EXOC4: variants seen among roughly 807,000 people sequenced by gnomAD.
EXOC4 encodes exocyst complex component 4.
Under a neutral mutation model 107.2 loss-of-function variants are expected in EXOC4, and 71 were observed. The ratio of observed to expected loss-of-function variants is 0.66; its 90% CI spans 0.55 to 0.81. The LOEUF is 0.81. EXOC4 is among the 30% of genes least tolerant of loss of function. The pLI is 0.00. For synonymous variants in EXOC4, 456 were observed against 441.2 expected (o/e 1.03, Z -0.42); for missense variants, 1,108 against 1,189.6 (o/e 0.93, Z 1.01).
At chr7:134,068,937 C>T (rs923103077), downstream of EXOC4, among the ~76,000 whole-genome samples, 7 of 152,126 alleles carry the variant, frequency 4.6e-5, no homozygotes, top group African/African-American at 1.2e-4. Flanking sequence ...ATATGGGAGT[C>T]GGGCAATGAC....
intron 2 of EXOC4, 64 bp from the exon 3 acceptor site, chr7:133,288,858 C>A (rs1453108283): frequency 2.1e-5 from 29 of 1,396,776 alleles, no homozygotes; most frequent in Non-Finnish European, 2.8e-5. Context: ...GACTACTAAC[C>A]AGATTATAGG....
intron 12 of EXOC4, among the ~76,000 whole-genome samples, chr7:133,902,722 G>T (rs567786544): frequency 6.6e-6 from 1 of 152,162 alleles, no homozygotes; most frequent in East Asian, 1.9e-4. Context: ...AGGTGTGTTG[G>T]CAGGTGCCCG....
intron 7 of EXOC4, among the ~76,000 whole-genome samples, chr7:133,469,999 CT>C (rs1173774420): frequency 6.6e-6 from 1 of 152,164 alleles, no homozygotes; most frequent in Non-Finnish European, 1.5e-5. Flanking sequence ...AACATTTTGG[CT>C]GTGGCTGAGA....
chr7:133,479,986 C>T, intron 8 of EXOC4, 64 bp from the exon 9 acceptor site: 1 of 1,279,586 alleles, frequency 7.8e-7, no homozygotes, highest in Non-Finnish European at 1.1e-6. Flanking sequence ...ATGTGGAATA[C>T]AGAGCTGGTC....
intron 10 of EXOC4, among the ~76,000 whole-genome samples, chr7:133,674,927 A>G (rs1210351258): frequency 1.3e-5 from 2 of 152,192 alleles, no homozygotes; most frequent in East Asian, 3.8e-4. Flanking sequence ...TACAGTGCTT[A>G]ACATTGTGCT....
chr7:134,083,035 G>T, the EXOC4 span, among the ~76,000 whole-genome samples: 15 of 152,316 alleles, frequency 9.8e-5, 1 homozygote, highest in Admixed American at 9.2e-4. Flanking sequence ...AACTGGAAAA[G>T]GGTGGAATCT....
intron 9 of EXOC4, among the ~76,000 whole-genome samples, chr7:133,517,572 C>T (rs865898536): frequency 7.2e-5 from 11 of 152,114 alleles, no homozygotes; most frequent in Admixed American, 1.3e-4. Context: ...AGGCACATCT[C>T]ACATGGCCAC....
intron 7 of EXOC4, among the ~76,000 whole-genome samples, chr7:133,455,119 G>A (rs551865027): frequency 6.6e-6 from 1 of 151,922 alleles, no homozygotes; most frequent in East Asian, 1.9e-4. Context: ...AAAAGTTTAA[G>A]TTATAAATTA....
chr7:133,777,921 A>C (rs989646210), intron 10 of EXOC4, among the ~76,000 whole-genome samples: 38 of 152,326 alleles, frequency 2.5e-4, no homozygotes, highest in Admixed American at 9.8e-4. Flanking sequence ...TACTTTACCC[A>C]GGTAATAGTC....
chr7:133,302,222 T>C (rs1642956223), intron 3 of EXOC4, among the ~76,000 whole-genome samples: 1 of 152,226 alleles, frequency 6.6e-6, no homozygotes, highest in Non-Finnish European at 1.5e-5. Flanking sequence ...TCCTGTTCAA[T>C]ATCATGTGAT....
At chr7:133,917,956 T>G (rs1190284461) in intron 13 of EXOC4, among the ~76,000 whole-genome samples, 5 of 152,066 alleles carry the variant, frequency 3.3e-5, no homozygotes, top group Non-Finnish European at 5.9e-5. Context: ...GAGTCAAATT[T>G]GGAACATTGC....
intron 10 of EXOC4, among the ~76,000 whole-genome samples, chr7:133,695,183 T>A (rs1794506569): frequency 8.0e-6 from 1 of 125,318 alleles, no homozygotes; most frequent in Non-Finnish European, 1.8e-5. Context: ...GAGATTCATT[T>A]TTTTTTTTTT....
At chr7:133,536,961 G>C (rs1800282066) in intron 9 of EXOC4, among the ~76,000 whole-genome samples, 1 of 152,088 alleles carries the variant, frequency 6.6e-6, no homozygotes, top group Non-Finnish European at 1.5e-5. Flanking sequence ...TGTATTACAT[G>C]ACTATGTCTA....
intron 9 of EXOC4, among the ~76,000 whole-genome samples, chr7:133,530,596 G>A (rs148098388): frequency 1.7e-4 from 26 of 152,210 alleles, no homozygotes; most frequent in South Asian, 1.0e-3. Flanking sequence ...TTGTTATGCC[G>A]CACACAACTA....
chr7:133,625,131 T>G (rs1487273668), intron 9 of EXOC4, among the ~76,000 whole-genome samples: 2 of 152,210 alleles, frequency 1.3e-5, no homozygotes, highest in African/African-American at 2.4e-5. Flanking sequence ...TGACTAGTAT[T>G]GTGTTGCCTA....
chr7:133,629,706 A>G (rs1053527372), intron 9 of EXOC4, among the ~76,000 whole-genome samples: 2 of 149,950 alleles, frequency 1.3e-5, no homozygotes, highest in Admixed American at 1.3e-4. Context: ...ATGCCTGGCT[A>G]ATTTTTTTTT....
chr7:133,520,113 G>T (rs1799952914), intron 9 of EXOC4, among the ~76,000 whole-genome samples: 1 of 152,110 alleles, frequency 6.6e-6, no homozygotes, highest in Non-Finnish European at 1.5e-5. Flanking sequence ...CCACAAAAAT[G>T]TAAAACTTTT....
rs534736481 is a variant in EXOC4, at chr7:134,031,240, A to C, written c.2687+23405A>C. Among the ~76,000 whole-genome samples, 73 of 152,380 alleles carry C rather than the reference A, an allele frequency of 4.8e-4. 2 individuals are homozygous for C. The South Asian group carries it at 0.015, about 32-fold the overall frequency. On this transcript the variant is annotated intron_variant, in intron 17 of 17. Transcript: ENST00000253861. ...AATAGATTAAAAGCCATTGAATTTT[A>C]CACTTTAAATTGGTGATTTGTATGG...
At chr7:133,824,313 T>C (rs984995099) in intron 11 of EXOC4, among the ~76,000 whole-genome samples, 1 of 151,974 alleles carries the variant, frequency 6.6e-6, no homozygotes, top group African/African-American at 2.4e-5. Flanking sequence ...CTCTACTGAC[T>C]GCGCCCCAAC....
Sources: allele counts gnomAD v4.1 joint callset (sites outside exome capture counted in the v4.1 genomes callset), GRCh38; gene constraint gnomAD v4.1.1; transcripts MANE v1.5; gene names NCBI Gene and HGNC (gene_info 2026-07-23, HGNC 2026-07-21).